Variants in JAM3 observed in about 807,000 individuals in gnomAD.
JAM3 encodes the protein junctional adhesion molecule 3.
In JAM3, 31 loss-of-function variants were observed where a neutral mutation model predicts 39.4. That is an observed-to-expected ratio of 0.79 (90% confidence interval 0.59 to 1.06). The LOEUF is 1.06. JAM3 is among the 50% of genes least tolerant of loss of function. The pLI, the probability that JAM3 is intolerant of heterozygous loss-of-function variation, is 0.00. For missense variants in JAM3, 455 were observed against 391.4 expected (o/e 1.16, Z -1.37); for synonymous variants, 182 against 148.7 (o/e 1.22, Z -1.63).
At chr11:134,144,764 C>A in intron 4 of JAM3, 28 bp from the exon 5 acceptor site, 1 of 1,568,332 alleles carries the variant, frequency 6.4e-7, no homozygotes, top group Non-Finnish European at 8.6e-7. Flanking sequence ...TCACTGAGAT[C>A]TTAAACACCA....
chr11:134,111,897 G>T (rs1235060985), intron 1 of JAM3, among the ~76,000 whole-genome samples: 1 of 152,154 alleles, frequency 6.6e-6, no homozygotes, highest in African/African-American at 2.4e-5. Context: ...TGGAAGCCCA[G>T]TGTGCTCACA....
chr11:134,127,241 G>A (rs1683517335), intron 1 of JAM3, among the ~76,000 whole-genome samples: 1 of 152,196 alleles, frequency 6.6e-6, no homozygotes, highest in African/African-American at 2.4e-5. Flanking sequence ...ATCATCGGTT[G>A]TAAATTGGAA....
intron 5 of JAM3, chr11:134,145,227 G>T: frequency 1.7e-6 from 1 of 581,222 alleles, no homozygotes; most frequent in Admixed American, 3.0e-5. Context: ...ACCGAAGAGG[G>T]ATATTAAGCA....
At chr11:134,147,739 G>A (rs937419026) in intron 6 of JAM3, 4 of 152,158 alleles carry the variant, frequency 2.6e-5, no homozygotes, top group African/African-American at 9.7e-5. Flanking sequence ...GCCCACCTCG[G>A]CCTCCCAAAG....
intron 1 of JAM3, among the ~76,000 whole-genome samples, chr11:134,115,426 G>GTTC (rs35325126): frequency 0.39 from 59,861 of 151,682 alleles, 12,805 homozygotes; most frequent in African/African-American, 0.58. Flanking sequence ...TCTGTTCTTT[G>GTTC]TTCTTTTGTT....
chr11:134,146,980 G>A (rs1440347518), intron 6 of JAM3, among the ~76,000 whole-genome samples: 1 of 152,096 alleles, frequency 6.6e-6, no homozygotes, highest in African/African-American at 2.4e-5. Context: ...ATACAGATTC[G>A]AGCCCACCTC....
chr11:134,091,642 A>AT (rs1044292602), intron 1 of JAM3, among the ~76,000 whole-genome samples: 1 of 151,540 alleles, frequency 6.6e-6, no homozygotes, highest in Non-Finnish European at 1.5e-5. Flanking sequence ...AAAAAAAAAA[A>AT]ATTGTTGTCA....
At chr11:134,075,878 A>C (rs867877921) in intron 1 of JAM3, among the ~76,000 whole-genome samples, 1 of 152,176 alleles carries the variant, frequency 6.6e-6, no homozygotes, top group Admixed American at 6.5e-5. Context: ...GCAATTAAAC[A>C]TGTTTAGTCA....
Position 134,144,270 on chromosome 11 carries a change from G to A in JAM3, c.286G>A (p.Gly96Arg), listed in dbSNP as rs1325510825. ...CTTGGCGGGTCGTGCAGAAATACTG[G>A]GGAAGACATCCCTGAAGATCTGGAA... ...GDLAGRAEIL[G>R]KTSLKIWNVT... Residue 96 changes from glycine (G) to arginine (R), a missense_variant, in exon 4 of 9, where the codon GGG becomes AGG. Transcript: ENST00000299106. 4 of 1,614,174 alleles carry A rather than the reference G, an allele frequency of 2.5e-6. No homozygotes were observed. Among genetic ancestry groups the A allele is most frequent in the Non-Finnish European group, 3.4e-6 (4 of 1,180,026 alleles).
At chr11:134,145,258 C>T (rs891112320) in intron 5 of JAM3, 4 of 542,008 alleles carry the variant, frequency 7.4e-6, no homozygotes, top group Admixed American at 3.1e-5. Flanking sequence ...GGGCCCTGAT[C>T]GGATAATCAA....
intron 1 of JAM3, among the ~76,000 whole-genome samples, chr11:134,107,469 C>T (rs1025706365): frequency 6.6e-6 from 1 of 151,676 alleles, no homozygotes; most frequent in Non-Finnish European, 1.5e-5. Flanking sequence ...TACCCTAGAA[C>T]ATAAAGTATA....
intron 1 of JAM3, among the ~76,000 whole-genome samples, chr11:134,099,491 A>G (rs186475439): frequency 8.2e-4 from 125 of 152,334 alleles, no homozygotes; most frequent in Admixed American, 5.3e-3. Flanking sequence ...AGGATAAGAC[A>G]GTATTTGTCA....
chr11:134,080,726 A>G (rs1378698014), intron 1 of JAM3, among the ~76,000 whole-genome samples: 1 of 152,132 alleles, frequency 6.6e-6, no homozygotes, highest in Non-Finnish European at 1.5e-5. Context: ...AATAGATTAA[A>G]AGAGTAAACT....
At chr11:134,120,646 G>T (rs1249960968) in intron 1 of JAM3, among the ~76,000 whole-genome samples, 1 of 152,168 alleles carries the variant, frequency 6.6e-6, no homozygotes, top group Non-Finnish European at 1.5e-5. Context: ...CTGCTATTCC[G>T]ATGAGTTTCA....
chr11:134,136,349 A>T (rs537746269), intron 1 of JAM3, among the ~76,000 whole-genome samples: 1 of 152,268 alleles, frequency 6.6e-6, no homozygotes, highest in South Asian at 2.1e-4. Context: ...TTCTGTCCGA[A>T]TCTTATCCCC....
At position 134,101,436 on chromosome 11, in the gene JAM3, G is replaced by A. The variant is rs369980622; in HGVS notation, c.76+32277G>A. 3.0e-4 allele frequency among the ~76,000 whole-genome samples: 46 copies of A among 152,302 alleles called. 2 individuals are homozygous for A. The South Asian group carries it at 9.5e-3, about 32-fold the overall frequency. On this transcript the variant is annotated intron_variant, in intron 1 of 8. Transcript: ENST00000299106. The stretch of plus-strand genomic sequence containing the variant: ...AGCAAAGAAGTGAGATGAGAACTGA[G>A]GTGGAGTGTTCTTTCCATCCTAGTG...
chr11:134,149,398 A>G lies in JAM3; in HGVS notation c.*217A>G. On this transcript the variant is annotated 3_prime_UTR_variant, in exon 9 of 9. Transcript: ENST00000299106. ...GATGGACCCGGTAAATATAACCACA[A>G]GGAAGCGAAACTGGGTGCGTTCACT... 3.2e-6 allele frequency: 2 copies of G among 625,556 alleles called. No individual in the cohort carries two copies. The highest frequency in any genetic ancestry group is 2.8e-6 in the Non-Finnish European group (1 of 351,986). 38.8% of individuals were successfully genotyped at this position (625,556 alleles called of 1,614,324 possible). A position where few individuals can be genotyped will look rare whatever the true frequency, so the allele number is the denominator to read the frequency against.
At chr11:134,137,452 C>G (rs1404699076) in intron 1 of JAM3, among the ~76,000 whole-genome samples, 1 of 152,174 alleles carries the variant, frequency 6.6e-6, no homozygotes, top group Non-Finnish European at 1.5e-5. Flanking sequence ...CTTCATACTT[C>G]TTAAGAGAAA....
intron 1 of JAM3, among the ~76,000 whole-genome samples, chr11:134,108,730 C>A (rs759977069): frequency 8.6e-5 from 13 of 151,998 alleles, no homozygotes; most frequent in Admixed American, 2.0e-4. Flanking sequence ...AAGCACTTGA[C>A]AAAATTCAAC....
Sources: allele counts gnomAD v4.1 joint callset (sites outside exome capture counted in the v4.1 genomes callset), GRCh38; gene constraint gnomAD v4.1.1; transcripts MANE v1.5; gene names NCBI Gene and HGNC (gene_info 2026-07-23, HGNC 2026-07-21).